Variants in MYO15A observed in about 807,000 individuals in gnomAD.
MYO15A encodes the protein unconventional myosin-XV.
Under a neutral mutation model 394.6 loss-of-function variants are expected in MYO15A, and 308 were observed. The ratio of observed to expected loss-of-function variants is 0.78; its 90% confidence interval spans 0.71 to 0.86. The LOEUF (loss-of-function observed/expected upper bound fraction) is 0.86. MYO15A is among the 40% of genes least tolerant of loss of function. The pLI is 0.00. For synonymous variants in MYO15A, 1,957 were observed against 2,003.8 expected, an observed-to-expected ratio of 0.98 and a Z score of 0.62; for missense variants, 4,606 against 4,799.1, an observed-to-expected ratio of 0.96 and a Z score of 1.19.
In MYO15A at chr17:18,132,624, C is replaced by G. The variant is rs1306757593; in HGVS notation, c.4320+58C>G. On this transcript the variant is annotated intron_variant, in intron 11 of 65. Transcript: ENST00000647165. This position sits in a 1 kb window ranked among gnomAD's most constrained non-coding sequence, Gnocchi z 4.6. Reference sequence around the variant, plus strand: ...CCCTGGTCCTCCCACCCCGACGCCCCTGGCTGGGCCTTGGGAGCCGAGTTG... The same window carrying G: ...CCCTGGTCCTCCCACCCCGACGCCCGTGGCTGGGCCTTGGGAGCCGAGTTG... 6.9e-6 allele frequency: 10 copies of G among 1,439,238 alleles called. No homozygotes were observed. Among genetic ancestry groups the G allele is most frequent in the Admixed American group, 1.7e-5 (1 of 59,094 alleles). 89.2% of individuals were successfully genotyped at this position (1,439,238 alleles called of 1,614,324 possible).
chr17:18,149,950 C>CGAA, intron 35 of MYO15A: 1 of 123,000 alleles, frequency 8.1e-6, no homozygotes, highest in East Asian at 2.1e-4. Flanking sequence ...GACCCTGTCT[C>CGAA]AAAAAAAAAA....
At chr17:18,115,638 G>A (rs1011803433) in intron 1 of MYO15A, among the ~76,000 whole-genome samples, 12 of 152,036 alleles carry the variant, frequency 7.9e-5, no homozygotes, top group Admixed American at 3.3e-4. Flanking sequence ...GACTGAGGTC[G>A]AATTCCATCC....
At position 18,126,795 on chromosome 17, in the gene MYO15A, C is replaced by T. The variant is rs1391331735; in HGVS notation, c.3871C>T (p.Leu1291Phe). ...GRALGENPPH[L>F]FAVANLAFAK... ...TCTAATGACCTGTCTCCCCAGGCAC[C>T]TCTTTGCTGTTGCAAATCTCGCCTT... is the stretch of plus-strand genomic sequence containing the variant. Residue 1291 changes from leucine (L) to phenylalanine (F), a missense_variant, in exon 6 of 66, where the codon CTC becomes TTC. Around this residue, in one of 2 missense-constraint regions of MYO15A, gnomAD observed 2,776 missense variants for 3,109.3 expected, o/e 0.89. Transcript: ENST00000647165. The T allele has an allele frequency of 6.2e-7, 1 of 1,614,000 alleles. No homozygotes were observed. The highest frequency in any genetic ancestry group is 1.3e-5 in the African/African-American group (1 of 74,902).
rs755321472 is a variant in MYO15A at position 18,120,613 on chromosome 17, G to A, written c.1813G>A (p.Ala605Thr). Reference sequence around the variant, plus strand: ...GGCGGGCGGCCCTGCTGTCAGGGAGGCGGCCTACAAACGCTTCGGCTACAA... The same window carrying A: ...GGCGGGCGGCCCTGCTGTCAGGGAGACGGCCTACAAACGCTTCGGCTACAA... ...ARAGGPAVRE[A>T]AYKRFGYKLA... The change falls in exon 2 of 66, where the codon GCG becomes ACG. Residue 605 changes from alanine (A) to threonine (T), a missense_variant. This residue lies in a region of MYO15A where 1,830 missense variants were observed against 1,689.7 expected (regional missense o/e 1.08). Coordinates refer to ENST00000647165, the MANE Select transcript of MYO15A (RefSeq NM_016239.4). 7 of 1,597,578 alleles carry A rather than the reference G, an allele frequency of 4.4e-6. No homozygotes were observed. The highest frequency in any genetic ancestry group is 5.1e-6 in the Non-Finnish European group (6 of 1,174,516).
chr17:18,116,905 G>A (rs150986874), intron 1 of MYO15A, among the ~76,000 whole-genome samples: 2,497 of 146,288 alleles, frequency 0.017, 60 homozygotes, highest in African/African-American at 0.059. Flanking sequence ...GGGCAACAGA[G>A]CGAGACTCTG....
chr17:18,174,570 A>G (rs1481861681), intron 65 of MYO15A, among the ~76,000 whole-genome samples: 4 of 152,224 alleles, frequency 2.6e-5, no homozygotes, highest in Non-Finnish European at 5.9e-5. Context: ...TGATGGTGCC[A>G]ATGCACTCCA....
intron 19 of MYO15A, among the ~76,000 whole-genome samples, chr17:18,140,185 C>T (rs2046353037): frequency 6.6e-6 from 1 of 152,212 alleles, no homozygotes. Flanking sequence ...TTCCTCCTGT[C>T]AACTGGGCAA....
rs2046392305 is a variant in MYO15A at position 18,142,094 on chromosome 17, C to T, written c.5665C>T (p.His1889Tyr). Reference sequence around the variant, plus strand: ...CTGTCCTTAGCTGTTCCTTAAGGAACACCTATACCAGCTGCTGGAGAGTAT... The same window carrying T: ...CTGTCCTTAGCTGTTCCTTAAGGAATACCTATACCAGCTGCTGGAGAGTAT... The part of the protein sequence containing the change: ...VGVSKLFLKE[H>Y]LYQLLESMRE... The change falls in exon 24 of 66, where the codon CAC becomes TAC. Residue 1889 changes from histidine (H) to tyrosine (Y), a missense_variant. Physicochemically the swap from His to Tyr is moderately conservative, Grantham distance 83. Coordinates refer to ENST00000647165, the MANE Select transcript of MYO15A (RefSeq NM_016239.4). 4 of 1,613,236 alleles carry T rather than the reference C, an allele frequency of 2.5e-6. No individual in the cohort carries two copies.
rs1239750170 is a variant in MYO15A, at chr17:18,121,407, G to A, written c.2607G>A (p.Pro869=). ...CCCTGAATCTGCCCTCGCGCCTCCC[G>A]CACACGTGGCGGCGCCTCAGCGAGC... The part of the protein sequence containing the change: ...RSSLNLPSRL[P]HTWRRLSEPP... Residue 869 remains proline, a synonymous_variant, in exon 2 of 66, where the codon CCG becomes CCA. Transcript: ENST00000647165. This position sits in a 1 kb window ranked among gnomAD's most constrained non-coding sequence, Gnocchi z 5.3. 4 of 1,539,540 alleles carry A rather than the reference G, an allele frequency of 2.6e-6. No individual in the cohort carries two copies. Among genetic ancestry groups the A allele is most frequent in the African/African-American group, 1.4e-5 (1 of 72,920 alleles).
intron 53 of MYO15A, 64 bp from the exon 54 acceptor site, chr17:18,159,211 A>G (rs760098552): frequency 5.0e-5 from 79 of 1,575,594 alleles, no homozygotes; most frequent in Non-Finnish European, 6.5e-5. Context: ...TTGGAACACA[A>G]TGTGTCCCCT....
chr17:18,174,235 G>T, intron 65 of MYO15A, among the ~76,000 whole-genome samples: 1 of 152,170 alleles, frequency 6.6e-6, no homozygotes, highest in East Asian at 1.9e-4. Context: ...ATTGAGGGTG[G>T]AGAAACTGGG....
At position 18,158,215 on chromosome 17, in the gene MYO15A, G is replaced by T. The variant is rs1236060081; in HGVS notation, c.8968-308G>T. 1.4e-5 allele frequency: 8 copies of T among 589,538 alleles called. No individual in the cohort carries two copies. The East Asian group carries it at 2.3e-4, about 17-fold the overall frequency. 36.5% of individuals were successfully genotyped at this position (589,538 alleles called of 1,614,324 possible). A position where few individuals can be genotyped will look rare whatever the true frequency, so the allele number is the denominator to read the frequency against. On this transcript the variant is annotated intron_variant, in intron 51 of 65. Transcript: ENST00000647165. Reference sequence around the variant, plus strand: ...TGAAGTCTACTGGGTTTGGGGCGGTGCCAGGTGAGTGGGCGGCTTGTGGAG... The same window carrying T: ...TGAAGTCTACTGGGTTTGGGGCGGTTCCAGGTGAGTGGGCGGCTTGTGGAG...
At chr17:18,137,959 C>A in intron 16 of MYO15A, 156 bp from the exon 17 acceptor site, 1 of 1,104,342 alleles carries the variant, frequency 9.1e-7, no homozygotes, top group Non-Finnish European at 1.3e-6. Flanking sequence ...CCTGAGTTGG[C>A]TCATGCTGCC....
intron 62 of MYO15A, 136 bp from the exon 63 acceptor site, chr17:18,171,502 C>A: frequency 7.4e-7 from 1 of 1,349,584 alleles, no homozygotes; most frequent in Non-Finnish European, 1.1e-6. Flanking sequence ...CCACTTTCAG[C>A]CCATTTACAC....
intron 23 of MYO15A, 122 bp from the exon 24 acceptor site, chr17:18,141,957 C>T (rs2046390113): frequency 1.5e-6 from 2 of 1,348,318 alleles, no homozygotes; most frequent in Non-Finnish European, 2.1e-6. Flanking sequence ...CACCCCATCC[C>T]TCCAGCCCCG....
At chr17:18,122,638 G>A in intron 2 of MYO15A, 1 of 622,674 alleles carries the variant, frequency 1.6e-6, no homozygotes, top group Non-Finnish European at 2.7e-6. Flanking sequence ...GTGGGAAACT[G>A]CTTCCAGGTC....
In MYO15A at chr17:18,122,306, G is replaced by A. The variant is rs748603406; in HGVS notation, c.3506G>A (p.Arg1169Gln). Reference sequence around the variant, plus strand: ...GCAGATGCCTATGGACCCTGGCCACGAGTACACACCCATCCCCAGTCCTGC... The same window carrying A: ...GCAGATGCCTATGGACCCTGGCCACAAGTACACACCCATCCCCAGTCCTGC... ...LRADAYGPWP[R>Q]VHTHPQSCHL... The change falls in exon 2 of 66, where the codon CGA becomes CAA. Residue 1169 changes from arginine (R) to glutamine (Q), a missense_variant. Physicochemically the swap from Arg to Gln is conservative, Grantham distance 43 (BLOSUM62 1). This residue lies in a region of MYO15A where 1,830 missense variants were observed against 1,689.7 expected (regional missense o/e 1.08). Coordinates refer to ENST00000647165, the MANE Select transcript of MYO15A (RefSeq NM_016239.4). 13 of 1,613,028 alleles carry A rather than the reference G, an allele frequency of 8.1e-6. No individual in the cohort carries two copies. The highest frequency in any genetic ancestry group is 3.3e-5 in the Admixed American group (2 of 60,028).
At position 18,153,890 on chromosome 17, in the gene MYO15A, C is replaced by T. The variant is rs2046628941; in HGVS notation, c.8082C>T (p.Arg2694=). 1.9e-6 allele frequency: 3 copies of T among 1,613,416 alleles called. No individual in the cohort carries two copies. The highest frequency in any genetic ancestry group is 2.5e-6 in the Non-Finnish European group (3 of 1,180,012). ...YQDAPWKIFL[R]KEVFYPKDSY... is the part of the protein sequence containing the mutation. The stretch of plus-strand genomic sequence containing the variant: ...ACGCCCCCTGGAAGATCTTCCTGCG[C>T]AAAGAGGTGCCGAGCACAGCCGTAG... Residue 2694 remains arginine (R), a synonymous_variant, in exon 43 of 66, where the codon CGC becomes CGT. Transcript: ENST00000647165. The surrounding 1 kb of genome is among the most constrained non-coding windows in gnomAD (Gnocchi z 4.1).
At position 18,150,001 on chromosome 17, in the gene MYO15A, G is replaced by T; in HGVS notation, c.7212+421G>T. The T allele has an allele frequency of 3.3e-6, 1 of 300,692 alleles. No homozygotes were observed. The allele number at this position is 300,692 out of a possible 1,614,324, so 18.6% of individuals were successfully genotyped here. A position where few individuals can be genotyped will look rare whatever the true frequency, so the allele number is the denominator to read the frequency against. ...GGGAAGAAGTGCACCTTTGGTGGCA[G>T]CCAGCCCCCCGGGGCCACTAAAATA... On this transcript the variant is annotated intron_variant, in intron 35 of 65. Transcript: ENST00000647165. The surrounding 1 kb of genome is among the most constrained non-coding windows in gnomAD (Gnocchi z 4.4).
Sources: allele counts gnomAD v4.1 joint callset (sites outside exome capture counted in the v4.1 genomes callset), GRCh38; gene constraint gnomAD v4.1.1; regional missense constraint gnomAD v4.1.1; non-coding constraint Gnocchi (gnomAD v3.1); transcripts MANE v1.5; gene names NCBI Gene and HGNC (gene_info 2026-07-23, HGNC 2026-07-21).